ACBD4: variants seen among roughly 807,000 people sequenced by gnomAD.
The protein encoded by ACBD4 is acyl-CoA binding domain containing 4, also known as acyl-CoA-binding domain-containing protein 4.
ACBD4 carries 41 observed loss-of-function variants against 46.0 expected under a neutral mutation model. The ratio of observed to expected loss-of-function variants is 0.89; its 90% CI spans 0.69 to 1.16. ACBD4 has a LOEUF of 1.16. Among genes scored for constraint, ACBD4 ranks in the 50% most tolerant of loss-of-function variants. The pLI, the probability that ACBD4 is intolerant of heterozygous loss-of-function variation, is 0.00. For synonymous variants in ACBD4, 162 were observed against 155.9 expected (o/e 1.04, Z -0.29); for missense variants, 393 against 399.5 (o/e 0.98, Z 0.14).
chr17:45,136,127 C>T lies in ACBD4; in HGVS notation c.-18C>T. 1 of 1,612,292 alleles carries T rather than the reference C, an allele frequency of 6.2e-7. No homozygotes were observed. Among genetic ancestry groups the T allele is most frequent in the Non-Finnish European group, 8.5e-7 (1 of 1,179,666 alleles). ...TTGCAGAGTCGCTCAAAAGTAGGGC[C>T]CCAGGGCTCGCAGCAGCATGGGCAC... On this transcript the variant is annotated 5_prime_UTR_variant, in exon 2 of 10. Transcript: ENST00000321854.
upstream of ACBD4, among the ~76,000 whole-genome samples, chr17:45,134,186 G>A (rs2054641112): frequency 6.6e-6 from 1 of 152,100 alleles, no homozygotes; most frequent in Non-Finnish European, 1.5e-5. Flanking sequence ...CTCACTACTT[G>A]GTTGCCCAGG....
At chr17:45,141,356 G>A (rs1333417123) in intron 9 of ACBD4, among the ~76,000 whole-genome samples, 2 of 152,226 alleles carry the variant, frequency 1.3e-5, no homozygotes, top group East Asian at 3.9e-4. Flanking sequence ...CATTTCCTGT[G>A]AACTGGAGGT....
rs749131311 is a variant in ACBD4 at position 45,143,575 on chromosome 17, T to TC, written c.*5dup. On this transcript the variant is annotated 3_prime_UTR_variant, in exon 10 of 10. Coordinates refer to ENST00000321854, the MANE Select transcript of ACBD4 (RefSeq NM_001135705.3). ...GTTTCGGACCCAAAAGAGGTGACTG[T>TC]CAGTGGAGGGGTCTCTGCAGCCAAC... 1.5e-5 allele frequency: 25 copies of TC among 1,613,938 alleles called. No homozygotes were observed. Among genetic ancestry groups the TC allele is most frequent in the Admixed American group, 5.0e-5 (3 of 60,002 alleles).
chr17:45,136,880 A>C, intron 4 of ACBD4, 104 bp downstream of exon 4: 1 of 1,579,676 alleles, frequency 6.3e-7, no homozygotes, highest in Non-Finnish European at 8.7e-7. Context: ...CCTCATGGGA[A>C]TCACCACCTT....
chr17:45,136,308 G>A, intron 2 of ACBD4, 76 bp downstream of exon 2: 1 of 1,581,000 alleles, frequency 6.3e-7, no homozygotes, highest in African/African-American at 1.4e-5. Flanking sequence ...GAATGGTCCT[G>A]ATCACTGCAG....
intron 9 of ACBD4, among the ~76,000 whole-genome samples, chr17:45,140,697 A>AC (rs1289915287): frequency 2.0e-5 from 3 of 150,184 alleles, no homozygotes; most frequent in African/African-American, 7.4e-5. Context: ...ATGATGTTCC[A>AC]CCCCGAAAGA....
At chr17:45,132,245 G>C (rs1422766039), upstream of ACBD4, 6 of 1,272,750 alleles carry the variant, frequency 4.7e-6, no homozygotes, top group Non-Finnish European at 5.9e-6. The surrounding 1 kb of genome is among the most constrained non-coding windows in gnomAD (Gnocchi z 4.6). Context: ...GCCCGTCACT[G>C]ACCCATCTTC....
upstream of ACBD4, among the ~76,000 whole-genome samples, chr17:45,134,903 T>C (rs2054705460): frequency 2.0e-5 from 3 of 151,790 alleles, no homozygotes; most frequent in Admixed American, 6.6e-5. Flanking sequence ...TTGTACCCAT[T>C]TCCCCCCCTC....
At chr17:45,137,871 T>A (rs765650791) in intron 7 of ACBD4, 41 bp downstream of exon 7, 1 of 1,603,504 alleles carries the variant, frequency 6.2e-7, no homozygotes. Context: ...CACCCCACTG[T>A]GCTCCCACTC....
rs576035225 is a variant in ACBD4 at position 45,142,130 on chromosome 17, C to T, written c.790-1313C>T. On this transcript the variant is annotated intron_variant, in intron 9 of 9. Coordinates refer to ENST00000321854, the MANE Select transcript of ACBD4 (RefSeq NM_001135705.3). ...AATTTAGGCTGGGTACGGTGGCTCACGCCTGTAATCCTAGCACTTTGGGAG... is the reference window on the plus strand; with the variant it reads ...AATTTAGGCTGGGTACGGTGGCTCATGCCTGTAATCCTAGCACTTTGGGAG... 7.2e-5 allele frequency among the ~76,000 whole-genome samples: 11 copies of T among 152,058 alleles called. No individual in the cohort carries two copies. The South Asian group carries it at 1.5e-3, about 20-fold the overall frequency.
upstream of ACBD4, among the ~76,000 whole-genome samples, chr17:45,134,368 T>C (rs995369651): frequency 1.3e-5 from 2 of 152,204 alleles, no homozygotes; most frequent in Non-Finnish European, 1.5e-5. Context: ...TCCCAGCACT[T>C]TGGGAGGCAG....
upstream of ACBD4, among the ~76,000 whole-genome samples, chr17:45,134,647 A>G (rs1007288419): frequency 4.2e-4 from 64 of 151,828 alleles, 1 homozygote; most frequent in Non-Finnish European, 7.5e-4. Flanking sequence ...CGTGGTGGCG[A>G]GCGCCTGTAA....
chr17:45,137,721 G>T, intron 6 of ACBD4, 39 bp from the exon 7 acceptor site: 1 of 1,610,542 alleles, frequency 6.2e-7, no homozygotes, highest in Non-Finnish European at 8.5e-7. Flanking sequence ...TCCCTCCACA[G>T]CTTCCCTCTG....
At position 45,136,244 on chromosome 17, in the gene ACBD4, G is replaced by A. The variant is rs1428820294; in HGVS notation, c.88+12G>A. 1.9e-6 allele frequency: 3 copies of A among 1,611,974 alleles called. No homozygotes were observed. Among genetic ancestry groups the A allele is most frequent in the African/African-American group, 1.3e-5 (1 of 74,848 alleles). ...CCTGCCCAAGAACGGTGAGGCTGCG[G>A]GGACTCGCATTTGGACTCGCATTCA... On this transcript the variant is annotated intron_variant, in intron 2 of 9. Transcript: ENST00000321854.
At position 45,137,849 on chromosome 17, in the gene ACBD4, C is replaced by T; in HGVS notation, c.573+19C>T. ...TGAGCTGGTGAGCCCAGTCCCCATT[C>T]CCCCCTTTTCCCACCCCACTGTGCT... On this transcript the variant is annotated intron_variant, in intron 7 of 9. Transcript: ENST00000321854. The T allele has an allele frequency of 6.2e-7, 1 of 1,610,414 alleles. No homozygotes were observed. Among genetic ancestry groups the T allele is most frequent in the Non-Finnish European group, 8.5e-7 (1 of 1,176,856 alleles).
chr17:45,132,457 C>T, upstream of ACBD4: 1 of 1,143,762 alleles, frequency 8.7e-7, no homozygotes, highest in Non-Finnish European at 1.1e-6. The surrounding 1 kb of genome is among the most constrained non-coding windows in gnomAD (Gnocchi z 4.6). Flanking sequence ...CACGCGGGGA[C>T]AGGGCAGCGG....
chr17:45,138,990 G>A, intron 8 of ACBD4, 31 bp from the exon 9 acceptor site: 3 of 1,610,268 alleles, frequency 1.9e-6, no homozygotes, highest in Non-Finnish European at 2.5e-6. Context: ...TGCCTCCTGA[G>A]CCCCCTTCCC....
intron 9 of ACBD4, among the ~76,000 whole-genome samples, chr17:45,142,131 G>A (rs1296179977): frequency 2.0e-5 from 3 of 151,862 alleles, no homozygotes; most frequent in Admixed American, 6.6e-5. Flanking sequence ...GGTGGCTCAC[G>A]CCTGTAATCC....
upstream of ACBD4, chr17:45,132,552 CA>C: frequency 1.3e-5 from 1 of 75,086 alleles, no homozygotes; most frequent in Non-Finnish European, 2.6e-5. The surrounding 1 kb of genome is among the most constrained non-coding windows in gnomAD (Gnocchi z 4.6). Context: ...GAGGAGGCAG[CA>C]GGAGGTGGGG....
Sources: gnomAD v4.1 joint callset for allele counts (sites outside exome capture counted in the v4.1 genomes callset) on GRCh38, gnomAD v4.1.1 for gene constraint, Gnocchi (gnomAD v3.1) non-coding constraint, MANE v1.5 for transcripts, NCBI Gene and HGNC (gene_info 2026-07-23, HGNC 2026-07-21) for gene names.